Variants in CACHD1 observed in about 807,000 individuals in gnomAD.
The protein encoded by CACHD1 is cache domain containing 1.
Under a neutral mutation model 138.7 loss-of-function variants are expected in CACHD1, and 71 were observed. The observed-to-expected ratio is 0.51, with a 90% CI of 0.42 to 0.62. The LOEUF is 0.62. Ranked by LOEUF, CACHD1 falls within the 20% of genes least tolerant of loss-of-function variation. CACHD1 has a pLI of 0.00. For missense variants in CACHD1, 1,389 were observed against 1,625.3 expected, an observed-to-expected ratio of 0.85 and a Z score of 2.50; for synonymous variants, 578 against 591.5, an observed-to-expected ratio of 0.98 and a Z score of 0.33.
At chr1:64,472,247 C>T (rs924355936) in intron 1 of CACHD1, among the ~76,000 whole-genome samples, 5 of 152,050 alleles carry the variant, frequency 3.3e-5, no homozygotes, top group African/African-American at 1.2e-4. Flanking sequence ...TCTTCCTCCT[C>T]CTCCTCCTTC....
intron 3 of CACHD1, among the ~76,000 whole-genome samples, chr1:64,586,520 A>G (rs1647052818): frequency 6.6e-6 from 1 of 152,124 alleles, no homozygotes; most frequent in Non-Finnish European, 1.5e-5. Context: ...TTTTAATACT[A>G]GGGAGATTTG....
In CACHD1 at chr1:64,555,315, G is replaced by A. The variant is rs80081483; in HGVS notation, c.261+4659G>A. ...TCATTTTATCTTTTAAAGAATTAACGTTTTAATTTTAACTCAGTTTTTTAA... is the reference window on the plus strand; with the variant it reads ...TCATTTTATCTTTTAAAGAATTAACATTTTAATTTTAACTCAGTTTTTTAA... On this transcript the variant is annotated intron_variant, in intron 2 of 26. Coordinates refer to ENST00000651257, the MANE Select transcript of CACHD1 (RefSeq NM_020925.4). Among the ~76,000 whole-genome samples, 689 of 152,110 alleles carry A rather than the reference G, an allele frequency of 4.5e-3. 4 individuals carry two copies. The highest frequency in any genetic ancestry group is 0.016 in the African/African-American group (657 of 41,508).
intron 1 of CACHD1, among the ~76,000 whole-genome samples, chr1:64,477,316 A>G (rs1646179506): frequency 6.6e-6 from 1 of 152,192 alleles, no homozygotes; most frequent in African/African-American, 2.4e-5. Context: ...CAATATGGTC[A>G]ATCCTCTGCC....
intron 17 of CACHD1, among the ~76,000 whole-genome samples, 164 bp downstream of exon 17, chr1:64,671,850 G>A (rs1397796872): frequency 5.3e-5 from 8 of 152,026 alleles, no homozygotes; most frequent in Admixed American, 1.3e-4. Flanking sequence ...CTCTTCTTTC[G>A]TTTTTCTGAG....
intron 6 of CACHD1, among the ~76,000 whole-genome samples, chr1:64,632,980 A>G (rs1648366991): frequency 6.6e-6 from 1 of 152,210 alleles, no homozygotes; most frequent in African/African-American, 2.4e-5. Context: ...AAAATCATCT[A>G]ACACAAAGCC....
At chr1:64,505,516 G>GCC (rs1646365911) in intron 1 of CACHD1, among the ~76,000 whole-genome samples, 1 of 151,488 alleles carries the variant, frequency 6.6e-6, no homozygotes, top group Non-Finnish European at 1.5e-5. Context: ...GCTGTAGCCA[G>GCC]AAGGGACCTC....
chr1:64,490,843 T>C (rs558261199), intron 1 of CACHD1, among the ~76,000 whole-genome samples: 107 of 152,326 alleles, frequency 7.0e-4, no homozygotes, highest in Middle Eastern at 6.8e-3. Flanking sequence ...TTATAACCTT[T>C]TATTCTCAGG....
chr1:64,598,050 C>G (rs1647171825), intron 3 of CACHD1, among the ~76,000 whole-genome samples: 1 of 152,166 alleles, frequency 6.6e-6, no homozygotes, highest in South Asian at 2.1e-4. Flanking sequence ...CTCTGGGGAC[C>G]AGAGGTAGCT....
intron 1 of CACHD1, among the ~76,000 whole-genome samples, chr1:64,477,611 TATTATTATTATTATTTTA>T (rs1280449582): frequency 1.4e-5 from 2 of 143,584 alleles, no homozygotes; most frequent in African/African-American, 5.4e-5. Context: ...TTATTATTAT[TATTATTATTATTATTTTA>T]TTTTATTTTT....
chr1:64,584,170 C>T (rs1332372934), intron 3 of CACHD1, among the ~76,000 whole-genome samples: 1 of 152,076 alleles, frequency 6.6e-6, no homozygotes, highest in Non-Finnish European at 1.5e-5. Context: ...TAGGGAAAGA[C>T]ATGTGGCAAT....
chr1:64,542,429 A>G (rs963287815), intron 1 of CACHD1, among the ~76,000 whole-genome samples: 2 of 152,146 alleles, frequency 1.3e-5, no homozygotes, highest in African/African-American at 4.8e-5. Context: ...TCACTGTGCC[A>G]TTCAAGACAT....
chr1:64,479,935 C>T (rs1646199107), intron 1 of CACHD1, among the ~76,000 whole-genome samples: 1 of 152,198 alleles, frequency 6.6e-6, no homozygotes, highest in African/African-American at 2.4e-5. Context: ...ACCTAGAAAA[C>T]TCAGCCAAAG....
chr1:64,592,040 T>C (rs1269962473), intron 3 of CACHD1, among the ~76,000 whole-genome samples: 1 of 152,236 alleles, frequency 6.6e-6, no homozygotes, highest in African/African-American at 2.4e-5. Flanking sequence ...CTGTCAGAAT[T>C]AACAAGCTAC....
intron 26 of CACHD1, among the ~76,000 whole-genome samples, chr1:64,689,270 T>G (rs931825437): frequency 2.0e-5 from 3 of 152,220 alleles, no homozygotes; most frequent in African/African-American, 7.2e-5. Context: ...AGTCTCAAAA[T>G]CAAGCTGTGC....
At chr1:64,580,781 A>G (rs995364479) in intron 2 of CACHD1, among the ~76,000 whole-genome samples, 1 of 152,102 alleles carries the variant, frequency 6.6e-6, no homozygotes, top group Admixed American at 6.6e-5. Context: ...CTATCTATCT[A>G]CTTTGCAGCA....
rs1210300653 is a variant in CACHD1 at position 64,659,330 on chromosome 1, T to C, written c.1951+457T>C. Among the ~76,000 whole-genome samples, 11 of 151,980 alleles carry C rather than the reference T, an allele frequency of 7.2e-5. No homozygotes were observed. In the South Asian group the frequency reaches 1.2e-3, roughly 17 times the overall value. On this transcript the variant is annotated intron_variant, in intron 13 of 26. Transcript: ENST00000651257. ...AGAGTTTTCAGTAGCCCTAAGTCCATAGAGAGAGGCACAGATACAGCCCAT... is the reference window on the plus strand; with the variant it reads ...AGAGTTTTCAGTAGCCCTAAGTCCACAGAGAGAGGCACAGATACAGCCCAT...
In CACHD1 at chr1:64,652,261, G is replaced by T. The variant is rs140292303; in HGVS notation, c.1491G>T (p.Thr497=). 6.2e-7 allele frequency: 1 copy of T among 1,613,572 alleles called. No homozygotes were observed. The change falls in exon 10 of 27, where the codon ACG becomes ACT. Residue 497 remains threonine (T), a synonymous_variant. Coordinates refer to ENST00000651257, the MANE Select transcript of CACHD1 (RefSeq NM_020925.4). ...VNLAYILEDV[T]YYQDSLASYT... ...TGGCTTACATTCTTGAAGACGTGAC[G>T]TATTACCAAGACTCTTTGGCTTCCT...
intron 1 of CACHD1, among the ~76,000 whole-genome samples, chr1:64,478,720 A>G (rs1394481503): frequency 6.6e-6 from 1 of 152,164 alleles, no homozygotes. Flanking sequence ...GGGTTGCTAT[A>G]TCGAATTCAT....
At chr1:64,491,990 C>T (rs1361024534) in intron 1 of CACHD1, among the ~76,000 whole-genome samples, 1 of 151,534 alleles carries the variant, frequency 6.6e-6, no homozygotes. Flanking sequence ...ACTAGCTTTG[C>T]TGTGTTGAAA....
Sources: allele counts gnomAD v4.1 joint callset (sites outside exome capture counted in the v4.1 genomes callset), GRCh38; gene constraint gnomAD v4.1.1; transcripts MANE v1.5; gene names NCBI Gene and HGNC (gene_info 2026-07-23, HGNC 2026-07-21).